Variants in XPOT observed in about 807,000 individuals in gnomAD.
XPOT encodes exportin-T.
Under a neutral mutation model 128.2 loss-of-function variants are expected in XPOT, and 34 were observed. That is an observed-to-expected ratio of 0.27 (90% CI 0.20 to 0.35). The LOEUF is 0.35. XPOT is among the 10% of genes least tolerant of loss of function. XPOT has a pLI of 1.00. For synonymous variants in XPOT, 348 were observed against 394.3 expected, an observed-to-expected ratio of 0.88 and a Z score of 1.39; for missense variants, 838 against 1,125.3, an observed-to-expected ratio of 0.74 and a Z score of 3.65.
intron 15 of XPOT, among the ~76,000 whole-genome samples, chr12:64,426,187 A>C (rs1204080880): frequency 6.6e-6 from 1 of 151,600 alleles, no homozygotes; most frequent in Non-Finnish European, 1.5e-5. Flanking sequence ...GGTTCCTGTA[A>C]TCCCACCTAC....
chr12:64,435,364 C>G (rs2136032819), intron 21 of XPOT, among the ~76,000 whole-genome samples: 1 of 152,308 alleles, frequency 6.6e-6, no homozygotes, highest in South Asian at 2.1e-4. Flanking sequence ...TTCCCACAAC[C>G]TGGTAAAAGC....
chr12:64,430,924 AT>A (rs977955527), intron 17 of XPOT, among the ~76,000 whole-genome samples: 5 of 151,788 alleles, frequency 3.3e-5, no homozygotes, highest in African/African-American at 1.2e-4. Flanking sequence ...TGTCAGTAGG[AT>A]TTTTCTCTTT....
intron 23 of XPOT, among the ~76,000 whole-genome samples, chr12:64,442,137 T>C (rs2040329999): frequency 6.6e-6 from 1 of 152,094 alleles, no homozygotes; most frequent in Non-Finnish European, 1.5e-5. Flanking sequence ...TTTTCTTTCT[T>C]TTTGAGACAG....
intron 9 of XPOT, among the ~76,000 whole-genome samples, chr12:64,422,672 G>GTCCC (rs2040149877): frequency 2.6e-5 from 4 of 152,200 alleles, no homozygotes; most frequent in Non-Finnish European, 5.9e-5. Flanking sequence ...GCTGAGGCGG[G>GTCCC]AGGATTGTTT....
In XPOT at chr12:64,420,116, G is replaced by A; in HGVS notation, c.536G>A (p.Cys179Tyr). The change falls in exon 7 of 25, where the codon TGC (cysteine) becomes TAC (tyrosine). Residue 179 changes from cysteine to tyrosine, a missense_variant. Coordinates refer to ENST00000332707, the MANE Select transcript of XPOT (RefSeq NM_007235.6). ...TLIKDTMREQ[C>Y]IPNLVESWYQ... Reference sequence around the variant, plus strand: ...ATAAAAGATACCATGAGGGAACAGTGCATTCCAAATCTGGTGGAATCATGG... The same window carrying A: ...ATAAAAGATACCATGAGGGAACAGTACATTCCAAATCTGGTGGAATCATGG... 2 of 1,605,368 alleles carry A rather than the reference G, an allele frequency of 1.2e-6. No individual in the cohort carries two copies. The highest frequency in any genetic ancestry group is 2.2e-5 in the South Asian group (2 of 89,020).
intron 19 of XPOT, 52 bp downstream of exon 19, chr12:64,433,655 G>A (rs762255016): frequency 6.7e-7 from 1 of 1,494,814 alleles, no homozygotes; most frequent in Non-Finnish European, 9.0e-7. Context: ...TGTCACTGTT[G>A]TACATCTATA....
At chr12:64,425,949 T>G in intron 15 of XPOT, 40 bp downstream of exon 15, 1 of 1,548,124 alleles carries the variant, frequency 6.5e-7, no homozygotes, top group Non-Finnish European at 8.9e-7. Context: ...AGTTATTTTT[T>G]AAGTTACTGG....
Position 64,431,593 on chromosome 12 carries a change from G to A in XPOT, c.2032G>A (p.Glu678Lys), listed in dbSNP as rs765621181. The stretch of plus-strand genomic sequence containing the variant: ...GACTGTGAAACAATGTGGCTGTTCC[G>A]AAGTTTATCTGGACTGTTTACAGAC... ...KQTVKQCGCS[E>K]VYLDCLQTFL... is the part of the protein sequence containing the mutation. The change falls in exon 18 of 25, where the codon GAA becomes AAA. Residue 678 changes from glutamate (E) to lysine (K), a missense_variant. This residue lies in a region of XPOT where 761 missense variants were observed against 988.3 expected (regional missense o/e 0.77). Transcript: ENST00000332707. 1.8e-5 allele frequency: 29 copies of A among 1,613,790 alleles called. No individual in the cohort carries two copies. Among genetic ancestry groups the A allele is most frequent in the South Asian group, 2.2e-5 (2 of 91,076 alleles).
At chr12:64,434,703 C>G (rs1424196792) in intron 20 of XPOT, 80 bp downstream of exon 20, 1 of 1,525,698 alleles carries the variant, frequency 6.6e-7, no homozygotes, top group African/African-American at 1.4e-5. Flanking sequence ...ATAGCCCTAA[C>G]AGAGAGAGAA....
At chr12:64,422,256 GAATT>G (rs1304438836) in intron 9 of XPOT, among the ~76,000 whole-genome samples, 6 of 152,248 alleles carry the variant, frequency 3.9e-5, no homozygotes, top group African/African-American at 1.4e-4. Context: ...TATTTACTTT[GAATT>G]AATTGAGTCA....
Position 64,449,325 on chromosome 12 carries a change from T to C in XPOT, c.*1194T>C, listed in dbSNP as rs889461153. On this transcript the variant is annotated 3_prime_UTR_variant, in exon 25 of 25. Coordinates refer to ENST00000332707, the MANE Select transcript of XPOT (RefSeq NM_007235.6). ...TTGTAAATGGTAACTGACATTTAAT[T>C]ATTAGAAGTACTTACCCCTGCCTTC... The C allele has an allele frequency of 1.3e-5, 2 of 152,230 alleles. No homozygotes were observed. The highest frequency in any genetic ancestry group is 4.8e-5 in the African/African-American group (2 of 41,452). The allele number at this position is 152,230 out of a possible 1,614,324, so 9.4% of individuals were successfully genotyped here.
At chr12:64,420,880 A>G (rs895586987) in intron 8 of XPOT, among the ~76,000 whole-genome samples, 4 of 152,194 alleles carry the variant, frequency 2.6e-5, no homozygotes, top group Admixed American at 2.0e-4. Flanking sequence ...GGCTCACTGC[A>G]ACCTCCGTCT....
intron 16 of XPOT, among the ~76,000 whole-genome samples, chr12:64,429,467 G>A (rs2040219356): frequency 1.3e-5 from 2 of 148,882 alleles, no homozygotes; most frequent in South Asian, 2.1e-4. Flanking sequence ...TTTTGAGACA[G>A]AGTCTTGGCT....
chr12:64,435,557 A>C, intron 21 of XPOT, 70 bp from the exon 22 acceptor site: 1 of 1,303,684 alleles, frequency 7.7e-7, no homozygotes, highest in South Asian at 1.5e-5. Flanking sequence ...TGGCCAGGGT[A>C]GTAAAGAGAA....
chr12:64,443,531 C>T lies in XPOT; in HGVS notation c.2806-1544C>T, dbSNP rs144930650. On this transcript the variant is annotated intron_variant, in intron 23 of 24. Transcript: ENST00000332707. ...GTGCAGTGGTGCGATCTTGGCTCAC[C>T]GCAACCTCTGCCTCCCGGGTTTAAG... 4.2e-3 allele frequency among the ~76,000 whole-genome samples: 643 copies of T among 151,854 alleles called. 5 individuals carry two copies. The highest frequency in any genetic ancestry group is 0.015 in the African/African-American group (605 of 41,422).
chr12:64,428,196 G>A, intron 16 of XPOT, 76 bp downstream of exon 16: 1 of 1,054,484 alleles, frequency 9.5e-7, no homozygotes, highest in South Asian at 1.5e-5. Flanking sequence ...TGCCTTTGTT[G>A]GCATTTAAAA....
Position 64,433,408 on chromosome 12 carries a change from C to T in XPOT, c.2263-6C>T, listed in dbSNP as rs369696461. On this transcript the variant is annotated splice_region_variant and splice_polypyrimidine_tract_variant and intron_variant, in intron 18 of 24. Coordinates refer to ENST00000332707, the MANE Select transcript of XPOT (RefSeq NM_007235.6). ...AATTTCTGAAGTAATGATTGTTTAT[C>T]TTCAGATACAGGTATCCCCGTTTTT... is the stretch of plus-strand genomic sequence containing the variant. 4 of 1,511,294 alleles carry T rather than the reference C, an allele frequency of 2.6e-6. No individual in the cohort carries two copies. The East Asian group carries it at 7.3e-5, about 28-fold the overall frequency. The allele number at this position is 1,511,294 out of a possible 1,614,324, so 93.6% of individuals were successfully genotyped here.
In XPOT at chr12:64,410,030, G is replaced by T; in HGVS notation, c.-6G>T. ...CAACCAGAAAACTACAAGTATAACA[G>T]CGAGGATGGATGAACAGGCTCTATT... On this transcript the variant is annotated 5_prime_UTR_variant, in exon 2 of 25. Transcript: ENST00000332707. 2 of 1,613,626 alleles carry T rather than the reference G, an allele frequency of 1.2e-6. No homozygotes were observed. Among genetic ancestry groups the T allele is most frequent in the Non-Finnish European group, 8.5e-7 (1 of 1,179,812 alleles).
intron 24 of XPOT, among the ~76,000 whole-genome samples, chr12:64,447,234 G>A (rs58127559): frequency 0.16 from 24,986 of 152,128 alleles, 2,140 homozygotes; most frequent in Middle Eastern, 0.25. Flanking sequence ...TGAGATCTGC[G>A]TGGGGACACA....
Sources: gnomAD v4.1 joint callset for allele counts (sites outside exome capture counted in the v4.1 genomes callset) on GRCh38, gnomAD v4.1.1 for gene constraint, gnomAD v4.1.1 regional missense constraint, MANE v1.5 for transcripts, NCBI Gene and HGNC (gene_info 2026-07-23, HGNC 2026-07-21) for gene names.